The following AMY2B variants were observed in gnomAD, a reference collection of about 807,000 sequenced individuals.
The protein encoded by AMY2B is amylase alpha 2B, also known as alpha-amylase 2B.
In AMY2B, 63 loss-of-function variants were observed where a neutral mutation model predicts 59.3. The observed-to-expected ratio is 1.06, with a 90% CI of 0.87 to 1.31. AMY2B has a LOEUF of 1.31. Among genes scored for constraint, AMY2B ranks in the 50% most tolerant of loss-of-function variants. The pLI, the probability that AMY2B is intolerant of heterozygous loss-of-function variation, is 0.00. For missense variants in AMY2B, 635 were observed against 626.7 expected (o/e 1.01, Z -0.14); for synonymous variants, 180 against 198.1 (o/e 0.91, Z 0.77).
At chr1:103,559,767 A>G (rs1651675331) in intron 1 of AMY2B, among the ~76,000 whole-genome samples, 1 of 152,198 alleles carries the variant, frequency 6.6e-6, no homozygotes, top group Non-Finnish European at 1.5e-5. Flanking sequence ...TTTTTAATCT[A>G]TTAGGCAAAA....
intron 1 of AMY2B, chr1:103,565,047 T>C (rs1327952575): frequency 1.3e-5 from 2 of 152,128 alleles, no homozygotes; most frequent in Non-Finnish European, 2.9e-5. Context: ...GTCTGTTATA[T>C]CTCCCCTCTC....
intron 5 of AMY2B, among the ~76,000 whole-genome samples, chr1:103,574,781 T>C (rs1652279819): frequency 6.6e-6 from 1 of 151,426 alleles, no homozygotes; most frequent in South Asian, 2.1e-4. Flanking sequence ...TAAAAATATT[T>C]ATATTATAAC....
chr1:103,577,190 A>AC (rs1652391066), intron 7 of AMY2B, among the ~76,000 whole-genome samples: 1 of 152,162 alleles, frequency 6.6e-6, no homozygotes, highest in African/African-American at 2.4e-5. Context: ...GTGAGCTATG[A>AC]TTATGCCACT....
At chr1:103,574,850 A>G (rs1467112873) in intron 5 of AMY2B, among the ~76,000 whole-genome samples, 1 of 151,522 alleles carries the variant, frequency 6.6e-6, no homozygotes, top group Non-Finnish European at 1.5e-5. Context: ...TGTGATATGG[A>G]TATTGATCCT....
chr1:103,563,547 C>G (rs1438163620), intron 1 of AMY2B, among the ~76,000 whole-genome samples: 1 of 152,040 alleles, frequency 6.6e-6, no homozygotes, highest in Non-Finnish European at 1.5e-5. Flanking sequence ...GGGTATATAG[C>G]TCTTCAGATT....
At position 103,577,778 on chromosome 1, in the gene AMY2B, A is replaced by G. The variant is rs752509276; in HGVS notation, c.1279A>G (p.Asn427Asp). The change falls in exon 9 of 10, where the codon AAT becomes GAT. Residue 427 changes from asparagine to aspartate, a missense_variant. Asn to Asp is a conservative substitution (Grantham distance 23). Transcript: ENST00000684275. ...CCAGCCTTTTACAAACTGGTATGAT[A>G]ATGGGAGCAACCAAGTGGCTTTTGG... Reference protein sequence around the residue: ...DGQPFTNWYDNGSNQVAFGRG... With the variant: ...DGQPFTNWYDDGSNQVAFGRG... The G allele has an allele frequency of 3.1e-5, 50 of 1,608,292 alleles. No individual in the cohort carries two copies. The highest frequency in any genetic ancestry group is 4.2e-5 in the Non-Finnish European group (49 of 1,179,766).
Position 103,577,929 on chromosome 1 carries a change from A to G in AMY2B, c.1346+84A>G, listed in dbSNP as rs1043616486. ...TTTTTTCTGTTCATTGACATTTATC[A>G]TATCTGAAAAATCATGTAGTCAGTG... is the stretch of plus-strand genomic sequence containing the variant. On this transcript the variant is annotated intron_variant, in intron 9 of 9. Transcript: ENST00000684275. The G allele has an allele frequency of 3.8e-6, 6 of 1,576,280 alleles. No individual in the cohort carries two copies. In the African/African-American group the frequency reaches 8.2e-5, roughly 21 times the overall value.
chr1:103,569,683 G>A (rs554753524), upstream of AMY2B: 481 of 385,044 alleles, frequency 1.2e-3, 1 homozygote, highest in Non-Finnish European at 1.7e-3. Context: ...GGGCATGATG[G>A]TGGGCATGGG....
chr1:103,562,537 A>G (rs1466311011), intron 1 of AMY2B, among the ~76,000 whole-genome samples: 1 of 152,170 alleles, frequency 6.6e-6, no homozygotes, highest in South Asian at 2.1e-4. Context: ...AAGAGAAACA[A>G]CTAACTTGAT....
chr1:103,570,955 G>A (rs999204348), upstream of AMY2B: 16 of 345,778 alleles, frequency 4.6e-5, no homozygotes, highest in African/African-American at 8.6e-5. Flanking sequence ...GGCTAAAAAC[G>A]TACTTGTGGA....
At chr1:103,563,606 G>A (rs925409027) in intron 1 of AMY2B, among the ~76,000 whole-genome samples, 12 of 152,060 alleles carry the variant, frequency 7.9e-5, no homozygotes, top group Admixed American at 5.9e-4. Context: ...ATATGATAAT[G>A]CCTGACTCTT....
rs199682189 is a variant in AMY2B at position 103,560,526 on chromosome 1, A to AT, written c.-206-4901dup. On this transcript the variant is annotated intron_variant, in intron 1 of 11. Coordinates refer to the AMY2B transcript ENST00000361355. ...GAAACATTTAATCAATTTACATTGA[A>AT]TTTTTTTTACCCTATACCACAGGAA... 4.7e-3 allele frequency among the ~76,000 whole-genome samples: 716 copies of AT among 152,002 alleles called. 2 individuals are homozygous for AT. Among genetic ancestry groups the AT allele is most frequent in the East Asian group, 0.023 (118 of 5,174 alleles).
At chr1:103,564,756 C>A (rs1347526395) in intron 1 of AMY2B, among the ~76,000 whole-genome samples, 2 of 152,078 alleles carry the variant, frequency 1.3e-5, no homozygotes, top group Non-Finnish European at 2.9e-5. Context: ...ACTGTCATTG[C>A]TTTGTTGAAA....
Position 103,577,547 on chromosome 1 carries a change from A to G in AMY2B, c.1159A>G (p.Ile387Val), listed in dbSNP as rs1015120800. 12 of 1,611,850 alleles carry G rather than the reference A, an allele frequency of 7.4e-6. No homozygotes were observed. The highest frequency in any genetic ancestry group is 9.3e-6 in the Non-Finnish European group (11 of 1,179,824). ...TAATGGAGTAATTAAAGAAGTTACT[A>G]TTAATCCAGACACTACTTGTGGCAA... is the stretch of plus-strand genomic sequence containing the variant. The part of the protein sequence containing the change: ...NNNGVIKEVT[I>V]NPDTTCGNDW... Residue 387 changes from isoleucine (I) to valine (V), a missense_variant, in exon 8 of 10, where the codon ATT becomes GTT. Physicochemically the swap from Ile to Val is conservative, Grantham distance 29. Coordinates refer to ENST00000684275, the MANE Select transcript of AMY2B (RefSeq NM_001387437.1).
upstream of AMY2B, chr1:103,570,351 A>G: frequency 2.8e-6 from 2 of 707,790 alleles, no homozygotes; most frequent in South Asian, 2.7e-5. Flanking sequence ...TCCTTCCTGG[A>G]CATGGAATCT....
In AMY2B at chr1:103,579,425, T is replaced by A; in HGVS notation, c.1461T>A (p.Asp487Glu). Residue 487 changes from aspartate (D) to glutamate (E), a missense_variant, in exon 10 of 10, where the codon GAT becomes GAA. Transcript: ENST00000684275. Reference sequence around the variant, plus strand: ...GCATTAAAATCTACGTTTCTGACGATGGCAAAGCTCATTTTTCTATTAGTA... The same window carrying A: ...GCATTAAAATCTACGTTTCTGACGAAGGCAAAGCTCATTTTTCTATTAGTA... ...CTGIKIYVSD[D>E]GKAHFSISNS... 1 of 1,611,846 alleles carries A rather than the reference T, an allele frequency of 6.2e-7. No homozygotes were observed. Among genetic ancestry groups the A allele is most frequent in the African/African-American group, 1.3e-5 (1 of 74,986 alleles).
chr1:103,559,483 C>T (rs1651665414), intron 1 of AMY2B, among the ~76,000 whole-genome samples: 1 of 152,146 alleles, frequency 6.6e-6, no homozygotes, highest in Non-Finnish European at 1.5e-5. Flanking sequence ...AATAATAATA[C>T]AGGCATACCT....
intron 9 of AMY2B, 40 bp downstream of exon 9, chr1:103,577,885 A>C: frequency 5.0e-6 from 8 of 1,595,806 alleles, no homozygotes; most frequent in Non-Finnish European, 6.8e-6. Flanking sequence ...TTGTACCTGT[A>C]TGCTCTTGGT....
chr1:103,574,325 A>C lies in AMY2B; in HGVS notation c.810A>C (p.Glu270Asp). 6.2e-7 allele frequency: 1 copy of C among 1,611,858 alleles called. No individual in the cohort carries two copies. Among genetic ancestry groups the C allele is most frequent in the Non-Finnish European group, 8.5e-7 (1 of 1,179,760 alleles). ...ACTTTGGAAATGGCCGGGTGACAGA[A>C]TTCAAGTATGGTGCAAAACTCGGCA... ...SDYFGNGRVT[E>D]FKYGAKLGTV... is the part of the protein sequence containing the mutation. Residue 270 changes from glutamate to aspartate, a missense_variant, in exon 5 of 10, where the codon GAA becomes GAC. Transcript: ENST00000684275.
Sources: allele counts gnomAD v4.1 joint callset (sites outside exome capture counted in the v4.1 genomes callset), GRCh38; gene constraint gnomAD v4.1.1; transcripts MANE v1.5; gene names NCBI Gene and HGNC (gene_info 2026-07-23, HGNC 2026-07-21).